The following KCNB2 variants were observed in gnomAD, a reference collection of about 807,000 sequenced individuals.
KCNB2 encodes the protein potassium voltage-gated channel subfamily B member 2, also known as delayed rectifier potassium channel protein.
KCNB2 carries 15 observed loss-of-function variants against 61.5 expected under a neutral mutation model. The observed-to-expected ratio is 0.24, with a 90% confidence interval of 0.16 to 0.38. The LOEUF is 0.38. KCNB2 is among the 10% of genes least tolerant of loss of function. The probability of loss-of-function intolerance (pLI) is 1.00; values close to 1 mark genes in which losing one functional copy is unlikely to be tolerated. For synonymous variants in KCNB2, 457 were observed against 446.0 expected (o/e 1.02, Z -0.31); for missense variants, 828 against 1,125.2 (o/e 0.74, Z 3.78).
At chr8:72,749,102 A>G (rs1808137609) in intron 2 of KCNB2, among the ~76,000 whole-genome samples, 1 of 151,922 alleles carries the variant, frequency 6.6e-6, no homozygotes, top group Non-Finnish European at 1.5e-5. Context: ...TACTCTGACC[A>G]ATCATTTTCG....
chr8:72,773,976 TTA>T lies in KCNB2; in HGVS notation c.580-161956_580-161955del, dbSNP rs1241072085. Among the ~76,000 whole-genome samples, 4 of 152,192 alleles carry T rather than the reference TTA, an allele frequency of 2.6e-5. No individual in the cohort carries two copies. The South Asian group carries it at 6.2e-4, about 24-fold the overall frequency. On this transcript the variant is annotated intron_variant, in intron 2 of 2. Transcript: ENST00000523207. ...AGTATCATTCAAGTCAAGTTATTAA[TTA>T]TACTACATAGTAACAATAATAACAA...
intron 2 of KCNB2, among the ~76,000 whole-genome samples, chr8:72,829,511 C>A (rs779024432): frequency 4.6e-5 from 7 of 152,192 alleles, no homozygotes; most frequent in South Asian, 4.1e-4. Context: ...TTCATAGTTC[C>A]CAAAGAATTT....
rs57229034 is a variant in KCNB2 at position 72,783,723 on chromosome 8, T to C, written c.580-152212T>C. Among the ~76,000 whole-genome samples the C allele has an allele frequency of 5.0e-3, 755 of 152,304 alleles. 8 individuals carry two copies. Among genetic ancestry groups the C allele is most frequent in the African/African-American group, 0.017 (718 of 41,582 alleles). On this transcript the variant is annotated intron_variant, in intron 2 of 2. Coordinates refer to ENST00000523207, the MANE Select transcript of KCNB2 (RefSeq NM_004770.3). The stretch of plus-strand genomic sequence containing the variant: ...TGTAACCTCCATGGGACCAGGGACC[T>C]GCCTTTTGTTTCCTGCGTACACCAG...
intron 1 of KCNB2, among the ~76,000 whole-genome samples, chr8:72,561,412 C>T (rs1806508714): frequency 6.6e-6 from 1 of 151,100 alleles, no homozygotes; most frequent in East Asian, 1.9e-4. Context: ...ACCTTGGCCT[C>T]CCAAAAAAGT....
chr8:72,558,187 C>G (rs180831049), intron 1 of KCNB2, among the ~76,000 whole-genome samples: 382 of 152,236 alleles, frequency 2.5e-3, no homozygotes, highest in Non-Finnish European at 4.3e-3. Context: ...GGTTTAAGCC[C>G]TCATGGCAAC....
chr8:72,799,982 C>T lies in KCNB2; in HGVS notation c.580-135953C>T, dbSNP rs141308065. Among the ~76,000 whole-genome samples the T allele has an allele frequency of 4.2e-3, 644 of 152,214 alleles. 5 individuals are homozygous for T. The highest frequency in any genetic ancestry group is 0.015 in the African/African-American group (616 of 41,530). On this transcript the variant is annotated intron_variant, in intron 2 of 2. Transcript: ENST00000523207. The stretch of plus-strand genomic sequence containing the variant: ...ATGTGCAAAAGGGAAGATAAGAGAA[C>T]ATTGGGCTAGCTGGTTGAGGCCAGA...
intron 2 of KCNB2, among the ~76,000 whole-genome samples, chr8:72,854,286 G>A (rs1412539142): frequency 6.6e-6 from 1 of 151,866 alleles, no homozygotes; most frequent in African/African-American, 2.4e-5. Flanking sequence ...ATACACACTG[G>A]GCATATACAT....
chr8:72,552,924 T>C (rs1806367228), intron 1 of KCNB2, among the ~76,000 whole-genome samples: 1 of 152,148 alleles, frequency 6.6e-6, no homozygotes, highest in African/African-American at 2.4e-5. Flanking sequence ...CCTCTCTTAC[T>C]GTTTCCTTTT....
chr8:72,837,930 G>A (rs1809808894), intron 2 of KCNB2, among the ~76,000 whole-genome samples: 1 of 152,076 alleles, frequency 6.6e-6, no homozygotes, highest in South Asian at 2.1e-4. Context: ...AAACAACACA[G>A]ATATATTTCT....
At chr8:72,810,496 T>C (rs1809290370) in intron 2 of KCNB2, among the ~76,000 whole-genome samples, 2 of 152,236 alleles carry the variant, frequency 1.3e-5, no homozygotes, top group Admixed American at 1.3e-4. Context: ...GATGGGCATA[T>C]GAATTTCTTC....
chr8:72,647,148 T>G (rs1806141671), intron 2 of KCNB2, among the ~76,000 whole-genome samples: 1 of 152,108 alleles, frequency 6.6e-6, no homozygotes. Context: ...TTCCATGTCC[T>G]AAAATAGTTG....
intron 1 of KCNB2, among the ~76,000 whole-genome samples, chr8:72,543,584 A>T (rs942010283): frequency 6.6e-6 from 1 of 152,224 alleles, no homozygotes; most frequent in Non-Finnish European, 1.5e-5. Flanking sequence ...CAAAATCGTG[A>T]GCAAATCTTG....
At chr8:72,644,716 TTGTTGAGTACAACTTTCCC>T (rs535482941) in intron 2 of KCNB2, among the ~76,000 whole-genome samples, 48 of 152,324 alleles carry the variant, frequency 3.2e-4, no homozygotes, top group African/African-American at 1.1e-3. Context: ...TAATTTTGAT[TTGTTGAGTACAACTTTCCC>T]TGTGCCAGGT....
At chr8:72,703,403 G>A (rs1400759315) in intron 2 of KCNB2, among the ~76,000 whole-genome samples, 1 of 152,174 alleles carries the variant, frequency 6.6e-6, no homozygotes, top group Non-Finnish European at 1.5e-5. Context: ...GGAAGAAGTT[G>A]AACTTCAACA....
intron 2 of KCNB2, among the ~76,000 whole-genome samples, chr8:72,755,377 T>G (rs1185490346): frequency 2.6e-5 from 4 of 152,190 alleles, no homozygotes; most frequent in Non-Finnish European, 5.9e-5. Flanking sequence ...CTGGAACAAA[T>G]GTACCATATT....
intron 2 of KCNB2, among the ~76,000 whole-genome samples, chr8:72,588,218 C>CT (rs34803136): frequency 0.38 from 50,125 of 132,796 alleles, 11,257 homozygotes; most frequent in Non-Finnish European, 0.51. Context: ...GGTTTCTTTT[C>CT]TTTTTTTTTT....
At chr8:72,768,087 A>G (rs1373828095) in intron 2 of KCNB2, among the ~76,000 whole-genome samples, 1 of 152,064 alleles carries the variant, frequency 6.6e-6, no homozygotes, top group African/African-American at 2.4e-5. Flanking sequence ...GGGTTGTAAG[A>G]CTTCTTTATA....
At chr8:72,813,536 G>A (rs957156913) in intron 2 of KCNB2, among the ~76,000 whole-genome samples, 2 of 152,102 alleles carry the variant, frequency 1.3e-5, no homozygotes, top group African/African-American at 4.8e-5. Context: ...AGAAAGGGCC[G>A]TCAAAGGTAA....
chr8:72,824,477 C>A lies in KCNB2; in HGVS notation c.580-111458C>A, dbSNP rs142441411. On this transcript the variant is annotated intron_variant, in intron 2 of 2. Transcript: ENST00000523207. The stretch of plus-strand genomic sequence containing the variant: ...ACCTCCCAGGCATCTCGAGGTGTGC[C>A]ACCAGACCGCTGCTGCTGAGACCCT... Among the ~76,000 whole-genome samples the A allele has an allele frequency of 1.8e-4, 28 of 152,196 alleles. No individual in the cohort carries two copies. In the East Asian group the frequency reaches 3.3e-3, roughly 18 times the overall value.
Sources: allele counts gnomAD v4.1 joint callset (sites outside exome capture counted in the v4.1 genomes callset), GRCh38; gene constraint gnomAD v4.1.1; transcripts MANE v1.5; gene names NCBI Gene and HGNC (gene_info 2026-07-23, HGNC 2026-07-21).